ANKS1B: variants seen among roughly 807,000 people sequenced by gnomAD.
ANKS1B encodes the protein ankyrin repeat and sterile alpha motif domain-containing protein 1B.
ANKS1B carries 36 observed loss-of-function variants against 148.3 expected under a neutral mutation model. That is an observed-to-expected ratio of 0.24 (90% CI 0.19 to 0.32). ANKS1B has a LOEUF of 0.32. ANKS1B is among the 10% of genes least tolerant of loss of function. The pLI, the probability that ANKS1B is intolerant of heterozygous loss-of-function variation, is 1.00. For synonymous variants in ANKS1B, 542 were observed against 560.8 expected (o/e 0.97, Z 0.47); for missense variants, 1,157 against 1,542.6 (o/e 0.75, Z 4.19).
chr12:98,975,283 T>C (rs2099892575), intron 17 of ANKS1B, among the ~76,000 whole-genome samples: 1 of 144,998 alleles, frequency 6.9e-6, no homozygotes, highest in Middle Eastern at 3.4e-3. Context: ...CTCCCTTCCT[T>C]TTTTCTCTAC....
At chr12:99,143,774 A>AT (rs145753554) in intron 15 of ANKS1B, among the ~76,000 whole-genome samples, 8 of 151,896 alleles carry the variant, frequency 5.3e-5, no homozygotes, top group Non-Finnish European at 8.8e-5. Context: ...GTATAAGGCC[A>AT]TTTTTTTCTT....
intron 10 of ANKS1B, among the ~76,000 whole-genome samples, chr12:99,482,316 T>G (rs1383213678): frequency 1.3e-4 from 20 of 152,082 alleles, no homozygotes; most frequent in Non-Finnish European, 2.8e-4. Context: ...ATTTGTCTGC[T>G]TTGTCAAAAT....
chr12:99,327,009 ATATAT>A (rs1376450266), intron 12 of ANKS1B, among the ~76,000 whole-genome samples: 67 of 135,914 alleles, frequency 4.9e-4, no homozygotes, highest in Admixed American at 8.6e-4. Flanking sequence ...TACATAATTT[ATATAT>A]TATATTATAA....
chr12:99,641,720 A>G (rs930747447), intron 9 of ANKS1B, among the ~76,000 whole-genome samples: 8 of 152,202 alleles, frequency 5.3e-5, no homozygotes, highest in African/African-American at 1.9e-4. Context: ...TATCAAAATG[A>G]TATCAATTGA....
intron 8 of ANKS1B, among the ~76,000 whole-genome samples, chr12:99,683,531 C>T (rs10860489): frequency 0.45 from 67,841 of 151,808 alleles, 15,865 homozygotes; most frequent in South Asian, 0.6. Context: ...GAATTCACCG[C>T]TGAATTCTAT....
chr12:98,930,479 C>T (rs951692518), intron 17 of ANKS1B, among the ~76,000 whole-genome samples: 3 of 152,052 alleles, frequency 2.0e-5, no homozygotes, highest in African/African-American at 7.2e-5. Context: ...AAAATTTGTA[C>T]ATAAATGTTT....
chr12:99,483,830 G>C (rs1375957741), intron 10 of ANKS1B, among the ~76,000 whole-genome samples: 2 of 151,848 alleles, frequency 1.3e-5, no homozygotes, highest in Admixed American at 6.6e-5. Context: ...GTATTTTTGT[G>C]GTATTGGTTG....
chr12:98,834,259 C>T (rs997407010), intron 17 of ANKS1B, among the ~76,000 whole-genome samples: 12 of 152,216 alleles, frequency 7.9e-5, no homozygotes, highest in African/African-American at 2.9e-4. Context: ...AGGACTTTCT[C>T]CTACCCTATT....
chr12:99,150,049 T>A (rs2074401085), intron 15 of ANKS1B, among the ~76,000 whole-genome samples: 1 of 152,138 alleles, frequency 6.6e-6, no homozygotes, highest in South Asian at 2.1e-4. Context: ...CCCTAGTACT[T>A]AACACTGTCT....
At chr12:99,726,986 A>G (rs949534808) in intron 8 of ANKS1B, among the ~76,000 whole-genome samples, 2 of 152,210 alleles carry the variant, frequency 1.3e-5, no homozygotes, top group African/African-American at 4.8e-5. Context: ...GATGGAACAT[A>G]TCTCAAAATA....
At chr12:99,124,417 C>CGTGTGTGTGTGT (rs1491426061) in intron 15 of ANKS1B, among the ~76,000 whole-genome samples, 7 of 57,122 alleles carry the variant, frequency 1.2e-4, no homozygotes, top group African/African-American at 3.9e-4. Flanking sequence ...TATTTGTGTG[C>CGTGTGTGTGTGT]ATGTGTGTGT....
chr12:98,848,756 T>TTTTTTTTTTTTTTTTA (rs1567129301), intron 17 of ANKS1B, among the ~76,000 whole-genome samples: 3 of 140,596 alleles, frequency 2.1e-5, no homozygotes, highest in African/African-American at 8.0e-5. Flanking sequence ...TTTTTTTTTT[T>TTTTTTTTTTTTTTTTA]GAGACGGAGT....
At chr12:99,907,812 TAAAAAA>T (rs751468199) in intron 1 of ANKS1B, among the ~76,000 whole-genome samples, 21 of 100,156 alleles carry the variant, frequency 2.1e-4, no homozygotes, top group East Asian at 1.4e-3. Flanking sequence ...GAGAAATTCT[TAAAAAA>T]AAAAAAAAAA....
intron 14 of ANKS1B, among the ~76,000 whole-genome samples, chr12:99,214,129 A>C (rs976743205): frequency 1.3e-5 from 2 of 152,142 alleles, no homozygotes; most frequent in Admixed American, 1.3e-4. Context: ...TTCAAAAAAA[A>C]AAATCTGTCT....
intron 17 of ANKS1B, among the ~76,000 whole-genome samples, chr12:98,944,856 G>A (rs756483467): frequency 6.6e-5 from 10 of 152,184 alleles, no homozygotes; most frequent in African/African-American, 2.2e-4. Flanking sequence ...ATGAAGTCCC[G>A]CTCACAGTAT....
At chr12:99,614,849 G>C (rs2097937959) in intron 9 of ANKS1B, among the ~76,000 whole-genome samples, 1 of 151,056 alleles carries the variant, frequency 6.6e-6, no homozygotes, top group South Asian at 2.1e-4. Flanking sequence ...TTCAAAGAGA[G>C]TGAAAATATT....
chr12:99,933,285 T>C (rs566906249), intron 1 of ANKS1B, among the ~76,000 whole-genome samples: 1 of 152,276 alleles, frequency 6.6e-6, no homozygotes, highest in South Asian at 2.1e-4. Flanking sequence ...TTATTTTTTA[T>C]GTTTCTGTGA....
At chr12:99,143,997 A>G (rs2072002625) in intron 15 of ANKS1B, among the ~76,000 whole-genome samples, 1 of 152,134 alleles carries the variant, frequency 6.6e-6, no homozygotes, top group Non-Finnish European at 1.5e-5. Context: ...TAGTCTTTCT[A>G]TAACTAAGTT....
chr12:98,760,653 C>T (rs1435912959), intron 25 of ANKS1B, among the ~76,000 whole-genome samples: 1 of 152,172 alleles, frequency 6.6e-6, no homozygotes, highest in African/African-American at 2.4e-5. Flanking sequence ...CTTGTTTAGG[C>T]TCTTCAGTTT....
Sources: allele counts gnomAD v4.1 joint callset (sites outside exome capture counted in the v4.1 genomes callset), GRCh38; gene constraint gnomAD v4.1.1; transcripts MANE v1.5; gene names NCBI Gene and HGNC (gene_info 2026-07-23, HGNC 2026-07-21).